Variants in KIAA0930 observed in about 807,000 individuals in gnomAD.
KIAA0930 encodes the protein uncharacterized protein KIAA0930.
In KIAA0930, 24 loss-of-function variants were observed where a neutral mutation model predicts 43.9. That is an observed-to-expected ratio of 0.55 (90% CI 0.40 to 0.77). The LOEUF is 0.77. KIAA0930 is among the 30% of genes least tolerant of loss of function. The probability of loss-of-function intolerance (pLI) is 0.00; values close to 1 mark genes in which losing one functional copy is unlikely to be tolerated. For synonymous variants in KIAA0930, 259 were observed against 216.4 expected (o/e 1.20, Z -1.73); for missense variants, 461 against 574.2 (o/e 0.80, Z 2.02).
chr22:45,223,529 G>A lies in KIAA0930; in HGVS notation c.65-11422C>T, dbSNP rs192982646. ...GGTTGTTGAAAGTTAGTCCATCCAC[G>A]TGAAGCCTTTAAAATTGTGCTGGCA... On this transcript the variant is annotated intron_variant, in intron 1 of 9. Coordinates refer to ENST00000336156, the MANE Select transcript of KIAA0930 (RefSeq NM_001009880.2). Among the ~76,000 whole-genome samples, 313 of 152,228 alleles carry A rather than the reference G, an allele frequency of 2.1e-3. 2 individuals carry two copies. The highest frequency in any genetic ancestry group is 6.8e-3 in the African/African-American group (282 of 41,484).
intron 3 of KIAA0930, 23 bp downstream of exon 3, chr22:45,205,770 G>GGGGCGCC: frequency 6.6e-7 from 1 of 1,523,786 alleles, no homozygotes; most frequent in Non-Finnish European, 9.1e-7. Context: ...CCAATCCGCA[G>GGGGCGCC]CCCCACCCAT....
chr22:45,221,883 C>T (rs546228629), intron 1 of KIAA0930, among the ~76,000 whole-genome samples: 6 of 152,262 alleles, frequency 3.9e-5, no homozygotes, highest in Non-Finnish European at 5.9e-5. Flanking sequence ...TACAGGCATG[C>T]GCAACCACGC....
At chr22:45,197,434 T>C (rs1300061684) in intron 9 of KIAA0930, among the ~76,000 whole-genome samples, 1 of 152,080 alleles carries the variant, frequency 6.6e-6, no homozygotes, top group African/African-American at 2.4e-5. Context: ...GGGCCTCAGG[T>C]GCAAGCTGGT....
At chr22:45,200,099 C>A in intron 7 of KIAA0930, 64 bp from the exon 8 acceptor site, 1 of 1,456,852 alleles carries the variant, frequency 6.9e-7, no homozygotes, top group African/African-American at 1.5e-5. Flanking sequence ...GGTCCCAACG[C>A]CCCTCCTATC....
intron 1 of KIAA0930, among the ~76,000 whole-genome samples, chr22:45,238,911 G>C (rs898111536): frequency 6.7e-6 from 1 of 149,498 alleles, no homozygotes; most frequent in African/African-American, 2.5e-5. Context: ...TCACCCTCAG[G>C]CTCTTCATCG....
At chr22:45,238,874 G>GGCTCTCTCGCTCTCGCTC (rs1555901524) in intron 1 of KIAA0930, among the ~76,000 whole-genome samples, 25 of 145,394 alleles carry the variant, frequency 1.7e-4, no homozygotes, top group Admixed American at 1.3e-3. Context: ...TCCCTGGGCA[G>GGCTCTCTCGCTCTCGCTC]GCTCTCTCTC....
chr22:45,199,760 C>CT (rs2083569736), intron 8 of KIAA0930, 113 bp downstream of exon 8: 3 of 1,159,700 alleles, frequency 2.6e-6, no homozygotes, highest in Non-Finnish European at 3.6e-6. Flanking sequence ...CACCCACTCT[C>CT]TAAGTGCTGC....
rs771035150 is a variant in KIAA0930 at position 45,197,927 on chromosome 22, T to C, written c.1037A>G (p.Asn346Ser). 33 of 1,613,410 alleles carry C rather than the reference T, an allele frequency of 2.0e-5. 1 individual carries two copies. In the South Asian group the frequency reaches 3.2e-4, roughly 16 times the overall value. Residue 346 changes from asparagine (N) to serine (S), a missense_variant, in exon 9 of 10, where the codon AAC becomes AGC. Transcript: ENST00000336156. Reference sequence around the variant, plus strand: ...GCCCGACAGGGACCGAGACCGCAGGTTGGTTGCATTGTGCAGATCGGCTGG... The same window carrying C: ...GCCCGACAGGGACCGAGACCGCAGGCTGGTTGCATTGTGCAGATCGGCTGG... Reference protein sequence around the residue: ...DGGADLHNATNLRSRSLSGTG... With the variant: ...DGGADLHNATSLRSRSLSGTG...
intron 1 of KIAA0930, among the ~76,000 whole-genome samples, chr22:45,216,417 T>C: frequency 6.6e-6 from 1 of 152,120 alleles, no homozygotes. Context: ...CTGGAGACCC[T>C]CTGCTCTGCT....
intron 1 of KIAA0930, among the ~76,000 whole-genome samples, chr22:45,213,786 G>C (rs1189436805): frequency 6.6e-6 from 1 of 152,168 alleles, no homozygotes; most frequent in Non-Finnish European, 1.5e-5. Context: ...GGGGTGGGTG[G>C]ATCACCTGAG....
At chr22:45,206,350 G>A (rs902594782) in intron 2 of KIAA0930, among the ~76,000 whole-genome samples, 19 of 152,096 alleles carry the variant, frequency 1.2e-4, no homozygotes, top group South Asian at 4.1e-4. Flanking sequence ...GTTCTCTAGC[G>A]ACGGGAGATG....
intron 1 of KIAA0930, among the ~76,000 whole-genome samples, chr22:45,219,650 C>T: frequency 8.2e-6 from 1 of 122,224 alleles, no homozygotes. Flanking sequence ...GGAATAACAT[C>T]ATGTGATCTC....
At chr22:45,226,815 G>A (rs1415189638) in intron 1 of KIAA0930, 3 of 156,564 alleles carry the variant, frequency 1.9e-5, no homozygotes, top group East Asian at 3.8e-4. Flanking sequence ...AGCCAGCACT[G>A]CCAGCTTCCC....
chr22:45,214,342 A>C (rs142245072), intron 1 of KIAA0930, among the ~76,000 whole-genome samples: 1 of 152,342 alleles, frequency 6.6e-6, no homozygotes, highest in African/African-American at 2.4e-5. Context: ...CAGCATCTTT[A>C]TTCGTAACGG....
Position 45,205,660 on chromosome 22 carries a change from C to T in KIAA0930, c.384G>A (p.Gly128=), listed in dbSNP as rs561694948. The T allele has an allele frequency of 1.9e-6, 3 of 1,614,070 alleles. No homozygotes were observed. The highest frequency in any genetic ancestry group is 2.2e-5 in the East Asian group (1 of 44,874). ...ATTTCTTCTTATGGATGTGAATGTC[C>T]CCGCCGTCAGCACGTGTGCACACCG... ...TCAVCTRADG[G]DIHIHKKKSQ... Residue 128 remains glycine (G), a synonymous_variant, in exon 4 of 10, where the codon GGG becomes GGA. Coordinates refer to ENST00000336156, the MANE Select transcript of KIAA0930 (RefSeq NM_001009880.2).
rs2083744210 is a variant in KIAA0930, at chr22:45,218,032, TCTC to T, written c.65-5928_65-5926del. ...CTGCCACCTCTGAATTGCCACTAAC[TCTC>T]CTCCTGGTTCTGCACGACGCTGGAC... On this transcript the variant is annotated intron_variant, in intron 1 of 9. Coordinates refer to ENST00000336156, the MANE Select transcript of KIAA0930 (RefSeq NM_001009880.2). 2.0e-5 allele frequency among the ~76,000 whole-genome samples: 3 copies of T among 151,904 alleles called. No individual in the cohort carries two copies. In the South Asian group the frequency reaches 6.2e-4, roughly 32 times the overall value.
intron 8 of KIAA0930, 121 bp from the exon 9 acceptor site, chr22:45,198,069 A>G: frequency 1.1e-6 from 1 of 878,866 alleles, no homozygotes; most frequent in Non-Finnish European, 1.8e-6. Flanking sequence ...CTCCTTACCA[A>G]CACCCCCACA....
chr22:45,213,163 A>C (rs1021318374), intron 1 of KIAA0930, among the ~76,000 whole-genome samples: 43 of 152,076 alleles, frequency 2.8e-4, no homozygotes, highest in Non-Finnish European at 4.7e-4. Context: ...GGACTCGGCC[A>C]CTAGCTGAGT....
At chr22:45,217,030 T>C (rs2083737261) in intron 1 of KIAA0930, among the ~76,000 whole-genome samples, 1 of 152,222 alleles carries the variant, frequency 6.6e-6, no homozygotes, top group African/African-American at 2.4e-5. Context: ...AACTGATCAA[T>C]TCATAACCTT....
Sources: gnomAD v4.1 joint callset for allele counts (sites outside exome capture counted in the v4.1 genomes callset) on GRCh38, gnomAD v4.1.1 for gene constraint, MANE v1.5 for transcripts, NCBI Gene and HGNC (gene_info 2026-07-23, HGNC 2026-07-21) for gene names.